The following STK3 variants were observed in gnomAD, a reference collection of about 807,000 sequenced individuals.
The protein encoded by STK3 is serine/threonine kinase 3, also known as serine/threonine-protein kinase 3.
Under a neutral mutation model 58.0 loss-of-function variants are expected in STK3, and 41 were observed. That is an observed-to-expected ratio of 0.71 (90% CI 0.55 to 0.92). STK3 has a LOEUF of 0.92. Ranked by LOEUF, STK3 falls within the 40% of genes least tolerant of loss-of-function variation. The pLI is 0.00. For missense variants in STK3, 479 were observed against 602.7 expected (o/e 0.79, Z 2.15); for synonymous variants, 170 against 191.0 (o/e 0.89, Z 0.91).
At chr8:98,486,410 A>C (rs1196189700) in intron 10 of STK3, among the ~76,000 whole-genome samples, 1 of 152,234 alleles carries the variant, frequency 6.6e-6, no homozygotes, top group Non-Finnish European at 1.5e-5. Flanking sequence ...CAACAGAAAC[A>C]CAGAGGATAA....
intron 4 of STK3, among the ~76,000 whole-genome samples, chr8:98,746,206 C>A (rs1285075967): frequency 1.3e-5 from 2 of 152,120 alleles, no homozygotes; most frequent in Non-Finnish European, 1.5e-5. Context: ...GAAACAAAAA[C>A]CTTAAGTAAA....
In STK3 at chr8:98,428,037, C is replaced by T. The variant is rs201468098; in HGVS notation, n.483+6090G>A. The T allele has an allele frequency of 1.4e-5, 22 of 1,608,718 alleles. No homozygotes were observed. The East Asian group carries it at 2.7e-4, about 20-fold the overall frequency. On this transcript the variant is annotated intron_variant and non_coding_transcript_variant, in intron 3 of 3. Coordinates refer to the STK3 transcript ENST00000517832. This position sits in a 1 kb window ranked among gnomAD's most constrained non-coding sequence, Gnocchi z 6.7. Reference sequence around the variant, plus strand: ...GGCTAACGTCGAGGACGGGGAGATCCGCATCAATGTGGGCGGCTTCAAGAG... The same window carrying T: ...GGCTAACGTCGAGGACGGGGAGATCTGCATCAATGTGGGCGGCTTCAAGAG...
At chr8:98,655,321 T>C (rs561402518) in intron 6 of STK3, among the ~76,000 whole-genome samples, 19 of 152,282 alleles carry the variant, frequency 1.2e-4, no homozygotes, top group East Asian at 1.2e-3. Context: ...TTACACCTTA[T>C]ACAAAAATTA....
intron 3 of STK3, among the ~76,000 whole-genome samples, chr8:98,763,685 C>G (rs1372553222): frequency 7.0e-6 from 1 of 143,600 alleles, no homozygotes. Context: ...TTTTTTTTTT[C>G]TTTTTGAGAC....
At chr8:98,548,724 C>T (rs1365101551) in intron 8 of STK3, among the ~76,000 whole-genome samples, 2 of 152,104 alleles carry the variant, frequency 1.3e-5, no homozygotes, top group Non-Finnish European at 1.5e-5. Flanking sequence ...CTTCATTCCC[C>T]CTTTCCCCAG....
At chr8:98,672,386 A>G (rs1251765308) in intron 6 of STK3, among the ~76,000 whole-genome samples, 1 of 152,216 alleles carries the variant, frequency 6.6e-6, no homozygotes, top group Non-Finnish European at 1.5e-5. Context: ...TGTATGGGAA[A>G]GAAAGAATTT....
chr8:98,757,489 G>A (rs930756750), intron 3 of STK3, among the ~76,000 whole-genome samples: 1 of 150,156 alleles, frequency 6.7e-6, no homozygotes, highest in African/African-American at 2.4e-5. Context: ...CAGCTACTCA[G>A]GAGGCTGAGG....
chr8:98,402,761 C>T (rs1201653614), intron 3 of STK3, among the ~76,000 whole-genome samples: 2 of 152,206 alleles, frequency 1.3e-5, no homozygotes, highest in African/African-American at 4.8e-5. Flanking sequence ...CTAGAAGAGA[C>T]TCTGCCAGGT....
intron 6 of STK3, among the ~76,000 whole-genome samples, chr8:98,658,729 A>C (rs937704890): frequency 1.3e-5 from 2 of 152,020 alleles, no homozygotes; most frequent in African/African-American, 4.8e-5. Flanking sequence ...CATTACCTCC[A>C]AATACATTTT....
intron 6 of STK3, chr8:98,598,927 C>T: frequency 5.1e-6 from 5 of 983,754 alleles, no homozygotes; most frequent in Non-Finnish European, 6.0e-6. Context: ...AACTAATTAT[C>T]TTCATGCCTG....
chr8:98,525,886 T>A (rs965297424), intron 10 of STK3, among the ~76,000 whole-genome samples: 6 of 151,852 alleles, frequency 4.0e-5, no homozygotes, highest in Admixed American at 3.9e-4. Context: ...TTCTTAAATT[T>A]AAAAAATGTA....
intron 6 of STK3, among the ~76,000 whole-genome samples, chr8:98,637,933 C>G (rs1182051191): frequency 5.3e-5 from 8 of 152,066 alleles, no homozygotes; most frequent in Non-Finnish European, 7.4e-5. Flanking sequence ...TTTTAAATAT[C>G]TTATTAGGTG....
intron 10 of STK3, among the ~76,000 whole-genome samples, chr8:98,457,170 C>T (rs1819556359): frequency 6.6e-6 from 1 of 152,204 alleles, no homozygotes; most frequent in Non-Finnish European, 1.5e-5. Flanking sequence ...AAGAACCTAG[C>T]TTTTAATATT....
intron 1 of STK3, among the ~76,000 whole-genome samples, chr8:98,799,865 T>C (rs1375356165): frequency 2.6e-5 from 4 of 152,186 alleles, no homozygotes; most frequent in Admixed American, 6.5e-5. Flanking sequence ...CAATCCCAAA[T>C]AGACTCTTTA....
chr8:98,514,495 G>C (rs1162198108), intron 10 of STK3, among the ~76,000 whole-genome samples: 1 of 151,504 alleles, frequency 6.6e-6, no homozygotes, highest in Non-Finnish European at 1.5e-5. Flanking sequence ...TATTCTTTAA[G>C]TTCAAGCATA....
intron 10 of STK3, among the ~76,000 whole-genome samples, chr8:98,496,023 T>A (rs1823105952): frequency 6.6e-6 from 1 of 152,164 alleles, no homozygotes; most frequent in Admixed American, 6.5e-5. Flanking sequence ...TAGCACCTTA[T>A]ATATTTTCAA....
chr8:98,546,711 G>A (rs1419583005), intron 9 of STK3, among the ~76,000 whole-genome samples: 1 of 152,110 alleles, frequency 6.6e-6, no homozygotes, highest in African/African-American at 2.4e-5. Flanking sequence ...ACTCTAGTCA[G>A]ATGCCCAGCT....
At chr8:98,390,223 C>G (rs547188501), upstream of STK3, among the ~76,000 whole-genome samples, 1 of 152,164 alleles carries the variant, frequency 6.6e-6, no homozygotes, top group Non-Finnish European at 1.5e-5. Flanking sequence ...GCAACAAATT[C>G]TCTTAGTTTT....
intron 3 of STK3, among the ~76,000 whole-genome samples, chr8:98,855,271 C>T (rs183650828): frequency 1.3e-5 from 2 of 152,280 alleles, no homozygotes; most frequent in African/African-American, 4.8e-5. Context: ...AATTTCAAAA[C>T]TTACTACAAA....
Sources: gnomAD v4.1 joint callset for allele counts (sites outside exome capture counted in the v4.1 genomes callset) on GRCh38, gnomAD v4.1.1 for gene constraint, Gnocchi (gnomAD v3.1) non-coding constraint, MANE v1.5 for transcripts, NCBI Gene and HGNC (gene_info 2026-07-23, HGNC 2026-07-21) for gene names.